The following MAN2B1 variants were observed in gnomAD, a reference collection of about 807,000 sequenced individuals.
MAN2B1 encodes mannosidase alpha class 2B member 1, also known as lysosomal alpha-mannosidase.
In MAN2B1, 99 loss-of-function variants were observed where a neutral mutation model predicts 127.5. That is an observed-to-expected ratio of 0.78 (90% CI 0.66 to 0.92). The LOEUF is 0.92. Ranked by LOEUF, MAN2B1 falls within the 40% of genes least tolerant of loss-of-function variation. The pLI is 0.00. For missense variants in MAN2B1, 1,304 were observed against 1,384.8 expected, an observed-to-expected ratio of 0.94 and a Z score of 0.93; for synonymous variants, 573 against 568.8, an observed-to-expected ratio of 1.01 and a Z score of -0.11.
Position 12,658,225 on chromosome 19 carries a change from T to A in MAN2B1, c.1229A>T (p.Gln410Leu). ...CCCTCTAGCCCGGCTCCTACCCACC[T>A]GCAGGAAGTTGTAGCTGAGGCGCTC... ...RYERLSYNFL[Q>L]VCNQLEALVG... is the part of the protein sequence containing the mutation. Residue 410 changes from glutamine (Q) to leucine (L), a missense_variant and splice_region_variant, in exon 9 of 24, where the codon CAG (glutamine) becomes CTG (leucine). Gln to Leu is a moderately radical substitution (Grantham distance 113, BLOSUM62 -2). Transcript: ENST00000456935. The A allele has an allele frequency of 6.2e-7, 1 of 1,614,004 alleles. No homozygotes were observed.
intron 3 of MAN2B1, 113 bp from the exon 4 acceptor site, chr19:12,665,098 C>A: frequency 6.1e-6 from 7 of 1,139,894 alleles, no homozygotes; most frequent in Non-Finnish European, 7.8e-6. Context: ...GGCGGAAGGA[C>A]AAGAGGGGTC....
intron 13 of MAN2B1, 51 bp from the exon 14 acceptor site, chr19:12,655,930 T>C (rs1476557760): frequency 6.6e-7 from 1 of 1,507,228 alleles, no homozygotes; most frequent in African/African-American, 1.4e-5. Flanking sequence ...TGGAAAGCTA[T>C]ACATGCATGG....
intron 7 of MAN2B1, 51 bp downstream of exon 7, chr19:12,661,209 C>T (rs770897631): frequency 1.3e-5 from 17 of 1,306,784 alleles, no homozygotes; most frequent in Non-Finnish European, 1.9e-5. Context: ...CCAAGGCCCC[C>T]GGATGCAAGC....
intron 16 of MAN2B1, among the ~76,000 whole-genome samples, chr19:12,650,973 C>CTTTT (rs60721799): frequency 1.0e-4 from 13 of 130,284 alleles, no homozygotes; most frequent in African/African-American, 3.5e-4. Context: ...CACCCGGCCT[C>CTTTT]TTTTTTTTTT....
rs758041910 is a variant in MAN2B1, at chr19:12,658,348, C to A, written c.1110-4G>T. 6 of 1,614,088 alleles carry A rather than the reference C, an allele frequency of 3.7e-6. No individual in the cohort carries two copies. In the Admixed American group the frequency reaches 6.7e-5, roughly 18 times the overall value. On this transcript the variant is annotated splice_region_variant and splice_polypyrimidine_tract_variant and intron_variant, in intron 8 of 23. Transcript: ENST00000456935. ...GAAGTCGTCATGTTTCACTGACCTA[C>A]AGCGGCAGGGGCATTGAGGGCAGGG...
chr19:12,662,163 GA>G (rs1309715814), intron 6 of MAN2B1, among the ~76,000 whole-genome samples: 4 of 151,256 alleles, frequency 2.6e-5, no homozygotes, highest in Non-Finnish European at 4.4e-5. Flanking sequence ...TTAAAGAAAG[GA>G]AAAAAAAATT....
Position 12,665,540 on chromosome 19 carries a change from G to A in MAN2B1, c.263-15C>T. ...GTCATTCTTGACTGTGGATAACAGGGATAAGGCTCTCAGGGAACAGCAGAG... is the reference window on the plus strand; with the variant it reads ...GTCATTCTTGACTGTGGATAACAGGAATAAGGCTCTCAGGGAACAGCAGAG... On this transcript the variant is annotated splice_polypyrimidine_tract_variant and intron_variant, in intron 2 of 23. Coordinates refer to ENST00000456935, the MANE Select transcript of MAN2B1 (RefSeq NM_000528.4). 6.2e-7 allele frequency: 1 copy of A among 1,614,066 alleles called. No homozygotes were observed. The highest frequency in any genetic ancestry group is 8.5e-7 in the Non-Finnish European group (1 of 1,179,988).
At chr19:12,659,344 C>CAAGCTGGAGTGCAGTGGCACGATCT (rs934634015) in intron 7 of MAN2B1, among the ~76,000 whole-genome samples, 6 of 146,756 alleles carry the variant, frequency 4.1e-5, no homozygotes, top group Non-Finnish European at 8.9e-5. Context: ...CTCTGTCGCC[C>CAAGCTGGAGTGCAGTGGCACGATCT]AAGCTGGAGT....
chr19:12,661,087 A>G, intron 7 of MAN2B1, 173 bp downstream of exon 7: 1 of 613,404 alleles, frequency 1.6e-6, no homozygotes, highest in Non-Finnish European at 3.0e-6. Context: ...ACAGAACTGT[A>G]AGACAATGTA....
At position 12,646,942 on chromosome 19, in the gene MAN2B1, G is replaced by A. The variant is rs889697505; in HGVS notation, c.2924-210C>T. ...TACCCTCAATCTGGCCACTGTCCTC[G>A]TACCCTCAATCTGACCCCAGGGGTG... On this transcript the variant is annotated intron_variant, in intron 23 of 23. Transcript: ENST00000456935. 2.5e-5 allele frequency: 15 copies of A among 611,350 alleles called. 1 individual carries two copies. The highest frequency in any genetic ancestry group is 1.1e-4 in the African/African-American group (6 of 54,214). The allele number at this position is 611,350 out of a possible 1,614,324, so 37.9% of individuals were successfully genotyped here.
chr19:12,646,969 T>A (rs1038210027), intron 23 of MAN2B1: 2 of 607,106 alleles, frequency 3.3e-6, no homozygotes, highest in African/African-American at 1.9e-5. Flanking sequence ...CCAGGGGTGA[T>A]GAACACCCTC....
In MAN2B1 at chr19:12,658,399, C is replaced by T. The variant is rs753664255; in HGVS notation, c.1109+29G>A. The stretch of plus-strand genomic sequence containing the variant: ...TCATGACCCACGGGGCATGCCAACC[C>T]CCCCAAGCTCCCCAGTTTCCCCAAA... On this transcript the variant is annotated intron_variant, in intron 8 of 23. Transcript: ENST00000456935. 2.5e-6 allele frequency: 4 copies of T among 1,614,230 alleles called. No individual in the cohort carries two copies. The Admixed American group carries it at 6.7e-5, about 27-fold the overall frequency.
rs148661421 is a variant in MAN2B1, at chr19:12,652,263, C to T, written c.1936G>A (p.Ala646Thr). The T allele has an allele frequency of 3.3e-5, 54 of 1,613,832 alleles. 1 individual carries two copies. The highest frequency in any genetic ancestry group is 6.6e-5 in the South Asian group (6 of 91,078). ...PVRQTFFWYN[A>T]SIGDNESDQA... ...TCACTTTCGTTGTCACCTATACTGG[C>T]GTTGTACCTGGAGTTGGGGCAGGTG... is the stretch of plus-strand genomic sequence containing the variant. The change falls in exon 16 of 24, where the codon GCC becomes ACC. Residue 646 changes from alanine to threonine, a missense_variant. Physicochemically the swap from Ala to Thr is moderately conservative, Grantham distance 58. Coordinates refer to ENST00000456935, the MANE Select transcript of MAN2B1 (RefSeq NM_000528.4).
intron 13 of MAN2B1, 50 bp downstream of exon 13, chr19:12,656,521 C>A: frequency 1.5e-6 from 2 of 1,333,908 alleles, no homozygotes; most frequent in Non-Finnish European, 2.2e-6. Flanking sequence ...TGAGGAAATG[C>A]CCACTGGGGG....
chr19:12,660,609 A>T (rs1834495375), intron 7 of MAN2B1, among the ~76,000 whole-genome samples: 1 of 152,194 alleles, frequency 6.6e-6, no homozygotes, highest in African/African-American at 2.4e-5. Flanking sequence ...GCTGGCTTTG[A>T]AGATGGAGCC....
intron 18 of MAN2B1, 40 bp from the exon 19 acceptor site, chr19:12,649,468 T>TC: frequency 1.7e-5 from 13 of 751,778 alleles, no homozygotes; most frequent in Non-Finnish European, 2.9e-5. Context: ...GGGATCTGGC[T>TC]CCCCAACTCT....
In MAN2B1 at chr19:12,658,051, C is replaced by A; in HGVS notation, c.1309+12G>T. 3.7e-6 allele frequency: 6 copies of A among 1,612,728 alleles called. No homozygotes were observed. Among genetic ancestry groups the A allele is most frequent in the Non-Finnish European group, 5.1e-6 (6 of 1,179,660 alleles). ...GCCGCAAACCTCTTCCCCTCTTGGGCCCGACACTTACTGAGGGGTGCACTG... is the reference window on the plus strand; with the variant it reads ...GCCGCAAACCTCTTCCCCTCTTGGGACCGACACTTACTGAGGGGTGCACTG... On this transcript the variant is annotated intron_variant, in intron 10 of 23. Transcript: ENST00000456935.
intron 14 of MAN2B1, 118 bp downstream of exon 14, chr19:12,655,576 G>A: frequency 1.0e-6 from 1 of 994,888 alleles, no homozygotes; most frequent in Non-Finnish European, 1.5e-6. Context: ...ACACAATGAG[G>A]GGAGTTGTGA....
In MAN2B1 at chr19:12,657,450, C is replaced by T. The variant is rs1300066801; in HGVS notation, c.1415G>A (p.Cys472Tyr). The T allele has an allele frequency of 6.4e-7, 1 of 1,551,560 alleles. No individual in the cohort carries two copies. Among genetic ancestry groups the T allele is most frequent in the Admixed American group, 2.0e-5 (1 of 51,254 alleles). The change falls in exon 11 of 24, where the codon TGC becomes TAC. Residue 472 changes from cysteine to tyrosine, a missense_variant. By Grantham distance (194) the Cys-to-Tyr change is radical. Coordinates refer to ENST00000456935, the MANE Select transcript of MAN2B1 (RefSeq NM_000528.4). ...CCCAAGTCTCGCCCCGCGCACCTCGCAAGGCCCCCAGCCTGCCGCAAGCTG... is the reference window on the plus strand; with the variant it reads ...CCCAAGTCTCGCCCCGCGCACCTCGTAAGGCCCCCAGCCTGCCGCAAGCTG... ...ARQLAAGWGP[C>Y]EVLLSNALAR...
Sources: allele counts gnomAD v4.1 joint callset (sites outside exome capture counted in the v4.1 genomes callset), GRCh38; gene constraint gnomAD v4.1.1; transcripts MANE v1.5; gene names NCBI Gene and HGNC (gene_info 2026-07-23, HGNC 2026-07-21).